The following CDH2 variants were observed in gnomAD, a reference collection of about 807,000 sequenced individuals.
CDH2 encodes the protein cadherin 2.
In CDH2, 17 loss-of-function variants were observed where a neutral mutation model predicts 92.0. That is an observed-to-expected ratio of 0.18 (90% CI 0.13 to 0.28). CDH2 has a LOEUF of 0.28. CDH2 is among the 10% of genes least tolerant of loss of function. The probability of loss-of-function intolerance (pLI) is 1.00; values close to 1 mark genes in which losing one functional copy is unlikely to be tolerated. For synonymous variants in CDH2, 419 were observed against 415.9 expected (o/e 1.01, Z -0.09); for missense variants, 862 against 1,133.1 (o/e 0.76, Z 3.44).
intron 2 of CDH2, among the ~76,000 whole-genome samples, chr18:28,103,705 T>C (rs1033921281): frequency 6.6e-6 from 1 of 151,800 alleles, no homozygotes; most frequent in Non-Finnish European, 1.5e-5. Flanking sequence ...CCTGCATACA[T>C]GTGTTCTCAT....
At chr18:27,976,075 C>T (rs2011818725) in intron 14 of CDH2, among the ~76,000 whole-genome samples, 1 of 152,136 alleles carries the variant, frequency 6.6e-6, no homozygotes, top group African/African-American at 2.4e-5. Context: ...GGTAAAAAGA[C>T]ATTATTCAGA....
At chr18:27,988,801 G>A in intron 10 of CDH2, 135 bp from the exon 11 acceptor site, 2 of 660,394 alleles carry the variant, frequency 3.0e-6, no homozygotes, top group Non-Finnish European at 2.6e-6. Flanking sequence ...AGCTTTAACA[G>A]GAAAAAGTAT....
At chr18:28,153,861 C>T (rs1171154015) in intron 1 of CDH2, among the ~76,000 whole-genome samples, 1 of 152,220 alleles carries the variant, frequency 6.6e-6, no homozygotes, top group Non-Finnish European at 1.5e-5. Context: ...GAATCCAACT[C>T]ATGGTACATC....
intron 2 of CDH2, among the ~76,000 whole-genome samples, chr18:28,077,031 A>G (rs2014733796): frequency 1.3e-5 from 2 of 152,156 alleles, no homozygotes; most frequent in Admixed American, 1.3e-4. Context: ...CAACTATGGA[A>G]GCACCTATTC....
At chr18:28,009,488 G>A (rs1356521780) in intron 5 of CDH2, among the ~76,000 whole-genome samples, 1 of 152,012 alleles carries the variant, frequency 6.6e-6, no homozygotes, top group East Asian at 1.9e-4. Context: ...GAGATTTTAG[G>A]CAATTTCACT....
At chr18:28,176,001 C>T (rs1252284268) in intron 1 of CDH2, among the ~76,000 whole-genome samples, 2 of 152,204 alleles carry the variant, frequency 1.3e-5, no homozygotes, top group Non-Finnish European at 2.9e-5. Context: ...GGGGCATCCT[C>T]GGGTTGGAGG....
At chr18:27,959,119 G>C (rs771769382) in intron 15 of CDH2, among the ~76,000 whole-genome samples, 27 of 152,040 alleles carry the variant, frequency 1.8e-4, no homozygotes, top group Middle Eastern at 3.2e-3. Context: ...ATTATTGGAG[G>C]TATATTAATA....
At chr18:27,978,617 G>GC (rs1033671403) in intron 14 of CDH2, among the ~76,000 whole-genome samples, 1 of 150,574 alleles carries the variant, frequency 6.6e-6, no homozygotes, top group African/African-American at 2.5e-5. Context: ...TAGTTGGGGG[G>GC]GGGGATTCAT....
intron 2 of CDH2, among the ~76,000 whole-genome samples, chr18:28,027,921 C>G (rs552091979): frequency 2.3e-4 from 35 of 151,092 alleles, no homozygotes; most frequent in Non-Finnish European, 4.3e-4. Context: ...ATTAGTCTTT[C>G]AGAGTACAGG....
chr18:28,099,124 T>C (rs1020067341), intron 2 of CDH2, among the ~76,000 whole-genome samples: 1 of 152,190 alleles, frequency 6.6e-6, no homozygotes, highest in Non-Finnish European at 1.5e-5. Context: ...AAATGACATA[T>C]CTGATTACCT....
chr18:28,174,338 G>A (rs539160651), intron 1 of CDH2, among the ~76,000 whole-genome samples: 1 of 151,996 alleles, frequency 6.6e-6, no homozygotes, highest in East Asian at 1.9e-4. Context: ...TTGTTCGGGC[G>A]TGTAAAGCAG....
At chr18:28,123,251 T>C (rs1243569103) in intron 2 of CDH2, among the ~76,000 whole-genome samples, 1 of 152,198 alleles carries the variant, frequency 6.6e-6, no homozygotes, top group Non-Finnish European at 1.5e-5. Flanking sequence ...AGTGTTTTAT[T>C]CATGCTGCAT....
In CDH2 at chr18:28,111,596, C is replaced by G. The variant is rs17536256; in HGVS notation, c.172+36077G>C. Among the ~76,000 whole-genome samples the G allele has an allele frequency of 3.7e-3, 564 of 152,226 alleles. 4 individuals carry two copies. The highest frequency in any genetic ancestry group is 0.013 in the African/African-American group (536 of 41,544). On this transcript the variant is annotated intron_variant, in intron 2 of 15. Coordinates refer to ENST00000269141, the MANE Select transcript of CDH2 (RefSeq NM_001792.5). ...TCTCTGAAATTCAAAACACTGAGTTCCCAGATGTCTTGATCAACCTGAAAC... is the reference window on the plus strand; with the variant it reads ...TCTCTGAAATTCAAAACACTGAGTTGCCAGATGTCTTGATCAACCTGAAAC...
intron 11 of CDH2, among the ~76,000 whole-genome samples, chr18:27,987,961 T>C (rs1437083402): frequency 1.3e-5 from 2 of 152,122 alleles, no homozygotes; most frequent in Non-Finnish European, 2.9e-5. Flanking sequence ...GTCCCCTTTA[T>C]ATTACATATC....
At chr18:28,052,368 G>T (rs945991722) in intron 2 of CDH2, among the ~76,000 whole-genome samples, 1 of 152,092 alleles carries the variant, frequency 6.6e-6, no homozygotes, top group African/African-American at 2.4e-5. Flanking sequence ...TTATATTTAA[G>T]CCGTAGTAAC....
chr18:28,089,865 G>C (rs952915586), intron 2 of CDH2, among the ~76,000 whole-genome samples: 15 of 152,142 alleles, frequency 9.9e-5, no homozygotes, highest in African/African-American at 3.4e-4. Context: ...AAACAGGACA[G>C]AGCCCGATTC....
intron 2 of CDH2, among the ~76,000 whole-genome samples, chr18:28,138,404 C>T (rs2015899546): frequency 6.6e-6 from 1 of 152,092 alleles, no homozygotes; most frequent in Non-Finnish European, 1.5e-5. Context: ...CTGGGCTGTA[C>T]TAGAAGTCCC....
chr18:28,120,572 A>G (rs747825881), intron 2 of CDH2, among the ~76,000 whole-genome samples: 31 of 152,138 alleles, frequency 2.0e-4, no homozygotes, highest in South Asian at 8.3e-4. Flanking sequence ...GTAATGGTAC[A>G]TGGCCGAACA....
chr18:28,086,457 G>T (rs774358108), intron 2 of CDH2, among the ~76,000 whole-genome samples: 2 of 150,626 alleles, frequency 1.3e-5, no homozygotes, highest in Admixed American at 1.3e-4. Context: ...ATCACACTAC[G>T]GTCTCCCACT....
Sources: allele counts gnomAD v4.1 joint callset (sites outside exome capture counted in the v4.1 genomes callset), GRCh38; gene constraint gnomAD v4.1.1; transcripts MANE v1.5; gene names NCBI Gene and HGNC (gene_info 2026-07-23, HGNC 2026-07-21).